Variants in ADAMTS20 observed in about 807,000 individuals in gnomAD.
ADAMTS20 encodes the protein ADAM metallopeptidase with thrombospondin type 1 motif 20, also known as A disintegrin and metalloproteinase with thrombospondin motifs 20.
ADAMTS20 carries 225 observed loss-of-function variants against 260.1 expected under a neutral mutation model. The ratio of observed to expected loss-of-function variants is 0.87; its 90% CI spans 0.78 to 0.97. The LOEUF (loss-of-function observed/expected upper bound fraction) is 0.97, where lower values mean the gene tolerates loss of function less well. ADAMTS20 is among the 50% of genes least tolerant of loss of function. The probability of loss-of-function intolerance (pLI) is 0.00; values close to 1 mark genes in which losing one functional copy is unlikely to be tolerated. For synonymous variants in ADAMTS20, 802 were observed against 769.5 expected (o/e 1.04, Z -0.70); for missense variants, 2,400 against 2,337.7 (o/e 1.03, Z -0.55).
At chr12:43,448,514 G>A (rs1315679521) in intron 14 of ADAMTS20, among the ~76,000 whole-genome samples, 1 of 152,152 alleles carries the variant, frequency 6.6e-6, no homozygotes, top group African/African-American at 2.4e-5. Context: ...AGACTTCAAT[G>A]TAAAACCCCA....
chr12:43,447,975 C>T (rs1365501152), intron 14 of ADAMTS20, among the ~76,000 whole-genome samples: 1 of 152,024 alleles, frequency 6.6e-6, no homozygotes, highest in Non-Finnish European at 1.5e-5. Flanking sequence ...TAAAACACTG[C>T]TCAAAGCAAT....
chr12:43,429,946 C>T (rs1462920683), intron 23 of ADAMTS20, among the ~76,000 whole-genome samples: 2 of 152,018 alleles, frequency 1.3e-5, no homozygotes, highest in Admixed American at 6.6e-5. Flanking sequence ...TGTTTGATTG[C>T]TGAAAAGGAA....
At chr12:43,440,337 C>T (rs922781862) in intron 16 of ADAMTS20, among the ~76,000 whole-genome samples, 3 of 151,966 alleles carry the variant, frequency 2.0e-5, no homozygotes, top group African/African-American at 4.8e-5. Context: ...TTAGTAGAGA[C>T]GGGGTTTTGC....
chr12:43,504,807 A>G (rs1273472632), intron 3 of ADAMTS20, among the ~76,000 whole-genome samples: 3 of 152,170 alleles, frequency 2.0e-5, no homozygotes, highest in Non-Finnish European at 4.4e-5. Flanking sequence ...TTCAATACCA[A>G]TTCAACCAAG....
Position 43,432,360 on chromosome 12 carries a change from T to C in ADAMTS20, c.3040A>G (p.Arg1014Gly), listed in dbSNP as rs1341624351. The C allele has an allele frequency of 6.2e-7, 1 of 1,613,928 alleles. No individual in the cohort carries two copies. Among genetic ancestry groups the C allele is most frequent in the South Asian group, 1.1e-5 (1 of 91,080 alleles). Residue 1014 changes from arginine to glycine, a missense_variant, in exon 21 of 39, where the codon AGA (arginine) becomes GGA (glycine). Physicochemically the swap from Arg to Gly is moderately radical, Grantham distance 125 (BLOSUM62 -2). Coordinates refer to ENST00000389420, the MANE Select transcript of ADAMTS20 (RefSeq NM_025003.5). Reference sequence around the variant, plus strand: ...CAGGAAAATTCATTGCAATTCTCTCTCGTCACTCGGGACAGTTCTTGGCAT... The same window carrying C: ...CAGGAAAATTCATTGCAATTCTCTCCCGTCACTCGGGACAGTTCTTGGCAT... ...NECQELSRVT[R>G]ENCNEFSCPS...
chr12:43,440,246 TCAAA>T (rs2137325995), intron 16 of ADAMTS20, among the ~76,000 whole-genome samples, 177 bp from the exon 17 acceptor site: 1 of 151,296 alleles, frequency 6.6e-6, no homozygotes, highest in Admixed American at 6.7e-5. Flanking sequence ...CCTCTTGGAT[TCAAA>T]CAATTCTCCT....
At position 43,369,272 on chromosome 12, in the gene ADAMTS20, C is replaced by A; in HGVS notation, c.5538+18G>T. ...TTTTTCACAAAGAAAGAAAATTAAT[C>A]AAACAAATATGAAATACCTGTGGGC... On this transcript the variant is annotated intron_variant, in intron 37 of 38. Transcript: ENST00000389420. The A allele has an allele frequency of 1.4e-6, 2 of 1,428,738 alleles. No homozygotes were observed. Among genetic ancestry groups the A allele is most frequent in the Non-Finnish European group, 1.8e-6 (2 of 1,082,550 alleles). 88.5% of individuals were successfully genotyped at this position (1,428,738 alleles called of 1,614,324 possible). A position where few individuals can be genotyped will look rare whatever the true frequency, so the allele number is the denominator to read the frequency against.
Position 43,430,438 on chromosome 12 carries a change from G to C in ADAMTS20, c.3295C>G (p.Arg1099Gly). ...TTTCGHGYQM[R>G]DVKCVNELAS... ...AGCTCATTGACACATTTAACATCTC[G>C]CATCTGATACCCATGTCCACATGTG... The change falls in exon 23 of 39, where the codon CGA (arginine) becomes GGA (glycine). Residue 1099 changes from arginine (R) to glycine (G), a missense_variant. By Grantham distance (125) the Arg-to-Gly change is moderately radical. Coordinates refer to ENST00000389420, the MANE Select transcript of ADAMTS20 (RefSeq NM_025003.5). 1 of 1,612,152 alleles carries C rather than the reference G, an allele frequency of 6.2e-7. No homozygotes were observed.
intron 3 of ADAMTS20, among the ~76,000 whole-genome samples, chr12:43,502,934 C>A (rs2137449300): frequency 6.6e-6 from 1 of 151,988 alleles, no homozygotes; most frequent in African/African-American, 2.4e-5. Flanking sequence ...TCTATTGAAT[C>A]CAGAAAGGCA....
At chr12:43,439,319 T>A (rs746630126) in intron 18 of ADAMTS20, among the ~76,000 whole-genome samples, 5 of 152,126 alleles carry the variant, frequency 3.3e-5, no homozygotes, top group Admixed American at 6.5e-5. Context: ...GGAAGCAGGA[T>A]ATATATAAGT....
chr12:43,497,784 A>G (rs1219489189), intron 4 of ADAMTS20, among the ~76,000 whole-genome samples: 1 of 152,126 alleles, frequency 6.6e-6, no homozygotes, highest in African/African-American at 2.4e-5. Context: ...AATAGTAACC[A>G]TAATTTAATG....
intron 38 of ADAMTS20, among the ~76,000 whole-genome samples, chr12:43,354,727 T>C (rs1002480357): frequency 6.6e-6 from 1 of 152,086 alleles, no homozygotes; most frequent in Non-Finnish European, 1.5e-5. Context: ...CAAATGATTT[T>C]AAAGGCATAT....
At chr12:43,409,993 T>C (rs2137270173) in intron 28 of ADAMTS20, among the ~76,000 whole-genome samples, 1 of 152,250 alleles carries the variant, frequency 6.6e-6, no homozygotes, top group South Asian at 2.1e-4. Context: ...CCTTAAAAAT[T>C]TTGAGGGAAA....
Position 43,428,681 on chromosome 12 carries a change from TCC to T in ADAMTS20, c.3606_3607del (p.Trp1202Ter), listed in dbSNP as rs762267399. 8.7e-6 allele frequency: 14 copies of T among 1,610,868 alleles called. No individual in the cohort carries two copies. The highest frequency in any genetic ancestry group is 1.0e-5 in the Non-Finnish European group (12 of 1,177,934). On this transcript the variant is annotated stop_gained and frameshift_variant, in exon 25 of 39. Coordinates refer to ENST00000389420, the MANE Select transcript of ADAMTS20 (RefSeq NM_025003.5). LOFTEE classifies it high-confidence loss of function. ...CCACTCTCCACAAGGGGTAAAACAGTCCCATATTTCAGCAGGTCGGGGTAAGT... is the reference window on the plus strand; with the variant it reads ...CCACTCTCCACAAGGGGTAAAACAGTCATATTTCAGCAGGTCGGGGTAAGT...
At chr12:43,482,810 C>CA (rs1388416942) in intron 7 of ADAMTS20, among the ~76,000 whole-genome samples, 3 of 152,198 alleles carry the variant, frequency 2.0e-5, no homozygotes, top group African/African-American at 7.2e-5. Context: ...CCACTGCTAC[C>CA]ACCATAACTG....
chr12:43,399,232 C>G lies in ADAMTS20; in HGVS notation c.4286G>C (p.Cys1429Ser), dbSNP rs1940762519. 6 of 1,510,102 alleles carry G rather than the reference C, an allele frequency of 4.0e-6. No individual in the cohort carries two copies. The highest frequency in any genetic ancestry group is 5.3e-6 in the Non-Finnish European group (6 of 1,130,728). The allele number at this position is 1,510,102 out of a possible 1,614,324, so 93.5% of individuals were successfully genotyped here. A position where few individuals can be genotyped will look rare whatever the true frequency, so the allele number is the denominator to read the frequency against. Residue 1429 changes from cysteine (C) to serine (S), a missense_variant and splice_region_variant, in exon 29 of 39, where the codon TGC (cysteine) becomes TCC (serine). Cys to Ser is a moderately radical substitution (Grantham distance 112). Transcript: ENST00000389420. The stretch of plus-strand genomic sequence containing the variant: ...TCTACCTTTACCACAAGAAGCTGAG[C>G]ACTAGAAAAGAAATATGAATGCACT... ...VSWHQEPWTS[C>S]SASCGKGRKY...
At chr12:43,444,353 C>T (rs2137334392) in intron 15 of ADAMTS20, among the ~76,000 whole-genome samples, 1 of 151,984 alleles carries the variant, frequency 6.6e-6, no homozygotes, top group East Asian at 1.9e-4. Context: ...TGAAATTTTT[C>T]AATTTCATTA....
chr12:43,481,467 A>G (rs1418576235), intron 7 of ADAMTS20, among the ~76,000 whole-genome samples: 1 of 152,214 alleles, frequency 6.6e-6, no homozygotes, highest in Non-Finnish European at 1.5e-5. Context: ...TCATCATTCT[A>G]TAAGAGATTT....
intron 2 of ADAMTS20, among the ~76,000 whole-genome samples, chr12:43,536,951 T>G (rs1047422969): frequency 6.6e-6 from 1 of 152,230 alleles, no homozygotes; most frequent in African/African-American, 2.4e-5. Context: ...AAACATAGTT[T>G]TAGTGAATGA....
Sources: allele counts gnomAD v4.1 joint callset (sites outside exome capture counted in the v4.1 genomes callset), GRCh38; gene constraint gnomAD v4.1.1; transcripts MANE v1.5; gene names NCBI Gene and HGNC (gene_info 2026-07-23, HGNC 2026-07-21).